The following ANP32B variants were observed in gnomAD, a reference collection of about 807,000 sequenced individuals.
The protein encoded by ANP32B is acidic nuclear phosphoprotein 32 family member B, also known as acidic leucine-rich nuclear phosphoprotein 32 family member B.
Under a neutral mutation model 32.2 loss-of-function variants are expected in ANP32B, and 6 were observed. That is an observed-to-expected ratio of 0.19 (90% confidence interval 0.10 to 0.37). The LOEUF (loss-of-function observed/expected upper bound fraction) is 0.37. Among genes scored for constraint, ANP32B ranks in the 10% least tolerant of loss-of-function variants. The pLI, the probability that ANP32B is intolerant of heterozygous loss-of-function variation, is 1.00. For synonymous variants in ANP32B, 98 were observed against 105.8 expected, an observed-to-expected ratio of 0.93 and a Z score of 0.45; for missense variants, 204 against 289.2, an observed-to-expected ratio of 0.71 and a Z score of 2.14.
chr9:98,000,249 G>C (rs1222053074), intron 3 of ANP32B, among the ~76,000 whole-genome samples: 1 of 152,068 alleles, frequency 6.6e-6, no homozygotes, highest in African/African-American at 2.4e-5. Context: ...AAAGTGTTTG[G>C]GACTACAGGC....
chr9:98,010,924 C>T (rs1282743210), intron 4 of ANP32B, among the ~76,000 whole-genome samples: 1 of 151,936 alleles, frequency 6.6e-6, no homozygotes, highest in African/African-American at 2.4e-5. Flanking sequence ...CCCCCATGTT[C>T]TTATCACTCA....
At chr9:98,003,538 C>T (rs553731660) in intron 3 of ANP32B, among the ~76,000 whole-genome samples, 3 of 152,284 alleles carry the variant, frequency 2.0e-5, no homozygotes, top group African/African-American at 7.2e-5. Context: ...GAATTGGCCA[C>T]TGGACCACCG....
At position 97,995,930 on chromosome 9, in the gene ANP32B, TAA is replaced by T. The variant is rs570340593; in HGVS notation, c.204+1170_204+1171del. On this transcript the variant is annotated intron_variant, in intron 2 of 6. Coordinates refer to ENST00000339399, the MANE Select transcript of ANP32B (RefSeq NM_006401.3). The stretch of plus-strand genomic sequence containing the variant: ...GACAGAGCAAGACTCTGTCTCGATT[TAA>T]AAAAAAAAAAAAAAAAAAAGTATAA... Among the ~76,000 whole-genome samples the T allele has an allele frequency of 2.5e-3, 294 of 116,604 alleles. 3 individuals carry two copies. Among genetic ancestry groups the T allele is most frequent in the African/African-American group, 7.4e-3 (237 of 32,180 alleles). 76.5% of individuals were successfully genotyped at this position (116,604 alleles called of 152,430 possible).
chr9:97,988,445 CTGGGCACAGTGG>C (rs1184723530), intron 1 of ANP32B, among the ~76,000 whole-genome samples: 1 of 152,196 alleles, frequency 6.6e-6, no homozygotes, highest in African/African-American at 2.4e-5. Context: ...CCGTTCCAGG[CTGGGCACAGTGG>C]CTCGTGCCTA....
At chr9:97,987,444 A>G (rs555628169) in intron 1 of ANP32B, 1 of 152,378 alleles carries the variant, frequency 6.6e-6, no homozygotes, top group Admixed American at 6.5e-5. Flanking sequence ...TCTTGTCAGT[A>G]AAATGAGAAG....
chr9:98,014,021 A>G (rs973653265), intron 6 of ANP32B, among the ~76,000 whole-genome samples: 1 of 152,030 alleles, frequency 6.6e-6, no homozygotes, highest in Non-Finnish European at 1.5e-5. Flanking sequence ...AAAAAGTCTC[A>G]TGGTTGTGTC....
intron 6 of ANP32B, among the ~76,000 whole-genome samples, chr9:98,014,845 C>T (rs12343499): frequency 0.03 from 4,591 of 152,284 alleles, 117 homozygotes; most frequent in Middle Eastern, 0.051. Flanking sequence ...CTCCGCCTTC[C>T]GGATTCAAGC....
rs1199486984 is a variant in ANP32B at position 98,015,886 on chromosome 9, A to G, written c.*455A>G. The stretch of plus-strand genomic sequence containing the variant: ...TTACATTAGGACATTTTATGTGACA[A>G]CTGCCAAAAAAGTATTTTTAAGAAT... On this transcript the variant is annotated 3_prime_UTR_variant, in exon 7 of 7. Coordinates refer to ENST00000339399, the MANE Select transcript of ANP32B (RefSeq NM_006401.3). 3.1e-6 allele frequency: 3 copies of G among 972,444 alleles called. No homozygotes were observed. The highest frequency in any genetic ancestry group is 1.8e-5 in the African/African-American group (1 of 56,892). 60.2% of individuals were successfully genotyped at this position (972,444 alleles called of 1,614,324 possible).
intron 3 of ANP32B, among the ~76,000 whole-genome samples, chr9:98,000,921 CAAAAA>C (rs543121018): frequency 1.1e-5 from 1 of 93,938 alleles, no homozygotes; most frequent in Non-Finnish European, 2.2e-5. Context: ...GACTCCATCT[CAAAAA>C]AAAAAAAAAA....
At chr9:97,994,385 T>C (rs1168201401) in intron 1 of ANP32B, among the ~76,000 whole-genome samples, 1 of 152,226 alleles carries the variant, frequency 6.6e-6, no homozygotes, top group Non-Finnish European at 1.5e-5. Flanking sequence ...AGTTTCTGTT[T>C]CTGGAAAAAC....
chr9:98,012,624 T>C, intron 6 of ANP32B, 152 bp downstream of exon 6: 6 of 1,231,642 alleles, frequency 4.9e-6, no homozygotes, highest in Non-Finnish European at 5.6e-6. Flanking sequence ...GTCCCATCAG[T>C]GTGTCTGTGC....
chr9:98,015,536 C>A lies in ANP32B; in HGVS notation c.*105C>A, dbSNP rs1479094003. 1 of 1,436,290 alleles carries A rather than the reference C, an allele frequency of 7.0e-7. No homozygotes were observed. Among genetic ancestry groups the A allele is most frequent in the African/African-American group, 1.4e-5 (1 of 69,248 alleles). 89.0% of individuals were successfully genotyped at this position (1,436,290 alleles called of 1,614,324 possible). On this transcript the variant is annotated 3_prime_UTR_variant, in exon 7 of 7. Coordinates refer to ENST00000339399, the MANE Select transcript of ANP32B (RefSeq NM_006401.3). The stretch of plus-strand genomic sequence containing the variant: ...AAAAAAGGTAGCTGTGATACAAACC[C>A]CAGGACACCCACCCACCCAAAGAGC...
At chr9:97,983,791 G>A (rs926545906) in intron 1 of ANP32B, among the ~76,000 whole-genome samples, 182 bp downstream of exon 1, 5 of 151,848 alleles carry the variant, frequency 3.3e-5, no homozygotes, top group African/African-American at 1.2e-4. Flanking sequence ...TTAACTCTTT[G>A]CCGCCCGCGG....
intron 1 of ANP32B, among the ~76,000 whole-genome samples, chr9:97,991,655 G>A (rs907306602): frequency 1.9e-4 from 29 of 152,160 alleles, no homozygotes; most frequent in African/African-American, 7.0e-4. Context: ...TCATTTAAAA[G>A]AGAAGTTGAC....
chr9:98,000,921 CA>C (rs543121018), intron 3 of ANP32B, among the ~76,000 whole-genome samples: 1,723 of 93,926 alleles, frequency 0.018, 20 homozygotes, highest in African/African-American at 0.051. Context: ...GACTCCATCT[CA>C]AAAAAAAAAA....
rs1361494923 is a variant in ANP32B at position 98,012,575 on chromosome 9, G to C, written c.688+103G>C. 5 of 1,504,754 alleles carry C rather than the reference G, an allele frequency of 3.3e-6. No homozygotes were observed. In the South Asian group the frequency reaches 3.7e-5, roughly 11 times the overall value. The allele number at this position is 1,504,754 out of a possible 1,614,324, so 93.2% of individuals were successfully genotyped here. ...ACTGAGAAGAAAATAAAATACTCTTGGCTCTGGTGGTTTACACATTCACAT... is the reference window on the plus strand; with the variant it reads ...ACTGAGAAGAAAATAAAATACTCTTCGCTCTGGTGGTTTACACATTCACAT... On this transcript the variant is annotated intron_variant, in intron 6 of 6. Transcript: ENST00000339399.
intron 1 of ANP32B, among the ~76,000 whole-genome samples, chr9:97,992,034 T>C (rs1220234733): frequency 1.3e-5 from 2 of 152,314 alleles, no homozygotes; most frequent in Non-Finnish European, 1.5e-5. Flanking sequence ...AGTGATATAG[T>C]GGTAACCAGA....
At chr9:98,011,765 C>T (rs1828189497) in intron 5 of ANP32B, among the ~76,000 whole-genome samples, 1 of 152,096 alleles carries the variant, frequency 6.6e-6, no homozygotes, top group African/African-American at 2.4e-5. Context: ...CTTGTATATT[C>T]AGTGTAATTC....
chr9:97,994,681 G>A lies in ANP32B; in HGVS notation c.105G>A (p.Glu35=). The change falls in exon 2 of 7, where the codon GAG becomes GAA. Residue 35 remains glutamate, a synonymous_variant. Coordinates refer to ENST00000339399, the MANE Select transcript of ANP32B (RefSeq NM_006401.3). Reference sequence around the variant, plus strand: ...GCAAATCAAATGATGGAAAAATTGAGGGCTTAACAGCTGAATTTGTGAACT... The same window carrying A: ...GCAAATCAAATGATGGAAAAATTGAAGGCTTAACAGCTGAATTTGTGAACT... ...DNCKSNDGKI[E]GLTAEFVNLE... The A allele has an allele frequency of 6.2e-7, 1 of 1,611,446 alleles. No homozygotes were observed. The highest frequency in any genetic ancestry group is 8.5e-7 in the Non-Finnish European group (1 of 1,179,346).
Sources: gnomAD v4.1 joint callset for allele counts (sites outside exome capture counted in the v4.1 genomes callset) on GRCh38, gnomAD v4.1.1 for gene constraint, MANE v1.5 for transcripts, NCBI Gene and HGNC (gene_info 2026-07-23, HGNC 2026-07-21) for gene names.